The following SMC1A variants were observed in gnomAD, a reference collection of about 807,000 sequenced individuals.
SMC1A encodes structural maintenance of chromosomes 1A, also known as structural maintenance of chromosomes protein 1A.
A neutral mutation model predicts 94.5 loss-of-function variants in SMC1A; 4 were observed. That is an observed-to-expected ratio of 0.04 (90% CI 0.02 to 0.10). SMC1A has a LOEUF of 0.10. Among genes scored for constraint, SMC1A ranks in the 10% least tolerant of loss-of-function variants. The pLI is 1.00. For missense variants in SMC1A, 304 were observed against 989.0 expected (o/e 0.31, Z 9.29); for synonymous variants, 345 against 347.7 (o/e 0.99, Z 0.09).
intron 9 of SMC1A, among the ~76,000 whole-genome samples, 171 bp from the exon 10 acceptor site, chrX:53,406,127 T>C (rs2075690292): frequency 9.0e-6 from 1 of 111,563 alleles, no homozygotes; most frequent in Admixed American, 9.6e-5. Context: ...TAGTGTGTGT[T>C]TGTAATCCTA....
At chrX:53,413,524 A>G in intron 3 of SMC1A, 89 bp from the exon 4 acceptor site, 2 of 854,561 alleles carry the variant, frequency 2.3e-6, no homozygotes, top group Non-Finnish European at 3.4e-6. Context: ...AGAAAAAGTT[A>G]CCAACTTTCT....
Position 53,404,020 on chromosome X carries a change from A to T in SMC1A, c.2197-127T>A, listed in dbSNP as rs782312856. Reference sequence around the variant, plus strand: ...AACTGAGAGAACCTGGCTTAGCACTACTGCCCTAGTCAAGCCTCCATGATG... The same window carrying T: ...AACTGAGAGAACCTGGCTTAGCACTTCTGCCCTAGTCAAGCCTCCATGATG... On this transcript the variant is annotated intron_variant, in intron 13 of 24. Coordinates refer to ENST00000322213, the MANE Select transcript of SMC1A (RefSeq NM_006306.4). 3 of 545,070 alleles carry T rather than the reference A, an allele frequency of 5.5e-6. No homozygotes were observed. In the African/African-American group the frequency reaches 6.8e-5, roughly 12 times the overall value. The allele number at this position is 545,070 out of a possible 1,213,427, so 44.9% of individuals were successfully genotyped here.
At chrX:53,410,629 G>A (rs976814751) in intron 7 of SMC1A, among the ~76,000 whole-genome samples, 4 of 107,843 alleles carry the variant, frequency 3.7e-5, no homozygotes, top group South Asian at 8.2e-4. Context: ...GTGAAACCCC[G>A]TCTCCACTAA....
rs1451515603 is a variant in SMC1A, at chrX:53,396,203, C to T, written c.2862+24G>A. On this transcript the variant is annotated intron_variant, in intron 18 of 24. Transcript: ENST00000322213. The stretch of plus-strand genomic sequence containing the variant: ...TGGTTAATGATGTTCATCGCCCACT[C>T]CCACCACCAGCCACAATACTCACCT... 1.9e-5 allele frequency: 23 copies of T among 1,205,217 alleles called. No individual in the cohort carries two copies. In the South Asian group the frequency reaches 3.0e-4, roughly 16 times the overall value.
intron 16 of SMC1A, among the ~76,000 whole-genome samples, chrX:53,398,901 T>C (rs2075661244): frequency 9.0e-6 from 1 of 111,532 alleles, no homozygotes; most frequent in Non-Finnish European, 1.9e-5. Flanking sequence ...AGAGTATAAA[T>C]GCATTGTGAA....
At chrX:53,408,720 A>C (rs1251507990) in intron 9 of SMC1A, among the ~76,000 whole-genome samples, 2 of 110,138 alleles carry the variant, frequency 1.8e-5, no homozygotes, top group African/African-American at 6.6e-5. Context: ...TGCTTCCAAA[A>C]TCTTTCCTGG....
chrX:53,414,812 C>T lies in SMC1A; in HGVS notation c.357G>A (p.Glu119=), dbSNP rs1029414749. 1.7e-6 allele frequency: 2 copies of T among 1,208,947 alleles called. No homozygotes were observed. Among genetic ancestry groups the T allele is most frequent in the Admixed American group, 2.2e-5 (1 of 46,008 alleles). Residue 119 remains glutamate, a synonymous_variant, in exon 3 of 25, where the codon GAG becomes GAA. Coordinates refer to ENST00000322213, the MANE Select transcript of SMC1A (RefSeq NM_006306.4). ...TGAGAATGCCCAACTTCTCTAATTC[C>T]TCACTGTACTCATGTAGTTGGACCA... ...NKVVQLHEYS[E]ELEKLGILIK...
At chrX:53,394,382 T>G (rs2075642412) in intron 19 of SMC1A, among the ~76,000 whole-genome samples, 1 of 109,233 alleles carries the variant, frequency 9.2e-6, no homozygotes, top group Admixed American at 9.9e-5. Flanking sequence ...GCCACGGAAG[T>G]AAAGTGATAT....
chrX:53,376,725 C>T lies in SMC1A; in HGVS notation c.*3378G>A, dbSNP rs1163027026. 2.7e-5 allele frequency: 3 copies of T among 111,595 alleles called. No homozygotes were observed. Among genetic ancestry groups the T allele is most frequent in the Non-Finnish European group, 5.6e-5 (3 of 53,139 alleles). 9.2% of individuals were successfully genotyped at this position (111,595 alleles called of 1,213,427 possible). ...TATCACCACCTAGACTACAGGATGC[C>T]TTCTCTGAATCTTCACATAAGCTAG... On this transcript the variant is annotated 3_prime_UTR_variant, in exon 25 of 25. Transcript: ENST00000322213.
At chrX:53,415,592 G>A (rs1556891165) in intron 1 of SMC1A, among the ~76,000 whole-genome samples, 1 of 108,505 alleles carries the variant, frequency 9.2e-6, no homozygotes, top group Non-Finnish European at 1.9e-5. Flanking sequence ...CCTTGAACCT[G>A]GGAGGCGGAG....
chrX:53,402,716 C>T (rs782027323), intron 15 of SMC1A, among the ~76,000 whole-genome samples: 1 of 102,595 alleles, frequency 9.7e-6, no homozygotes, highest in South Asian at 4.7e-4. Context: ...GAAAAATTAG[C>T]CGGGCATGGT....
intron 9 of SMC1A, 93 bp from the exon 10 acceptor site, chrX:53,406,049 G>A: frequency 2.4e-6 from 2 of 827,956 alleles, no homozygotes; most frequent in Non-Finnish European, 1.8e-6. Context: ...GGACAGACTA[G>A]AATCTATATC....
chrX:53,419,417 C>T (rs1054606679), intron 1 of SMC1A, among the ~76,000 whole-genome samples: 1 of 108,965 alleles, frequency 9.2e-6, no homozygotes, highest in African/African-American at 3.4e-5. Flanking sequence ...GTCCTGACTA[C>T]TGGGAAGGCT....
intron 1 of SMC1A, among the ~76,000 whole-genome samples, chrX:53,420,521 C>CA (rs781807659): frequency 0.025 from 1,248 of 49,569 alleles, 13 homozygotes; most frequent in African/African-American, 0.059. Flanking sequence ...AAGACTGTCT[C>CA]AAAAAAAAAA....
At position 53,403,591 on chromosome X, in the gene SMC1A, G is replaced by A. The variant is rs2146598245; in HGVS notation, c.2395C>T (p.Arg799Trp). ...IREFEEEKVK[R>W]QNEIAKKRLE... ...CGCTTCTTGGCGATTTCATTCTGCC[G>A]TTTCACCTTTTCTTCCTCAAACTCC... Residue 799 changes from arginine (R) to tryptophan (W), a missense_variant, in exon 15 of 25, where the codon CGG (arginine) becomes TGG (tryptophan). Physicochemically the swap from Arg to Trp is moderately radical, Grantham distance 101. This residue lies in a region of SMC1A where 57 missense variants were observed against 278.1 expected (regional missense o/e 0.20). Coordinates refer to ENST00000322213, the MANE Select transcript of SMC1A (RefSeq NM_006306.4). The A allele has an allele frequency of 8.3e-7, 1 of 1,205,770 alleles. No homozygotes were observed. Among genetic ancestry groups the A allele is most frequent in the Non-Finnish European group, 1.1e-6 (1 of 892,116 alleles).
intron 7 of SMC1A, among the ~76,000 whole-genome samples, chrX:53,409,941 G>T (rs183152726): frequency 8.9e-6 from 1 of 111,918 alleles, no homozygotes; most frequent in Admixed American, 9.5e-5. Context: ...TAAAATTTGA[G>T]ACAGGGTCTC....
rs2075717756 is a variant in SMC1A at position 53,412,787 on chromosome X, G to A, written c.854+113C>T. Reference sequence around the variant, plus strand: ...GCCTGGTTCTTACAAAAGCAAGTTAGGAGAATAACAGAGAAATGAGTATAG... The same window carrying A: ...GCCTGGTTCTTACAAAAGCAAGTTAAGAGAATAACAGAGAAATGAGTATAG... On this transcript the variant is annotated intron_variant, in intron 5 of 24. Transcript: ENST00000322213. 6.4e-6 allele frequency: 7 copies of A among 1,097,682 alleles called. No individual in the cohort carries two copies. In the East Asian group the frequency reaches 2.1e-4, roughly 33 times the overall value. 90.5% of individuals were successfully genotyped at this position (1,097,682 alleles called of 1,213,427 possible).
Position 53,411,799 on chromosome X carries a change from G to A in SMC1A, c.1216C>T (p.Arg406Cys). ...FNRDQKADQDRLDLEERKKVE... is the reference protein window; with the variant it reads ...FNRDQKADQDCLDLEERKKVE... ...TTCTTCCGTTCTTCCAGATCCAGAC[G>A]GTCCTGGTCAGCTTTCTGGTCTCGA... The change falls in exon 7 of 25, where the codon CGT becomes TGT. Residue 406 changes from arginine to cysteine, a missense_variant. Arg to Cys is a radical substitution (Grantham distance 180). This residue lies in a region of SMC1A where 120 missense variants were observed against 314.9 expected (regional missense o/e 0.38). Coordinates refer to ENST00000322213, the MANE Select transcript of SMC1A (RefSeq NM_006306.4). 8.3e-7 allele frequency: 1 copy of A among 1,211,058 alleles called. No individual in the cohort carries two copies. The highest frequency in any genetic ancestry group is 1.1e-6 in the Non-Finnish European group (1 of 895,105).
chrX:53,381,172 CA>C, intron 22 of SMC1A, 85 bp from the exon 23 acceptor site: 6 of 575,067 alleles, frequency 1.0e-5, no homozygotes, highest in South Asian at 2.6e-5. Flanking sequence ...GCCCATCAAA[CA>C]GGCCAGCTTC....
Sources: gnomAD v4.1 joint callset for allele counts (sites outside exome capture counted in the v4.1 genomes callset) on GRCh38, gnomAD v4.1.1 for gene constraint, gnomAD v4.1.1 regional missense constraint, MANE v1.5 for transcripts, NCBI Gene and HGNC (gene_info 2026-07-23, HGNC 2026-07-21) for gene names.